SMARCA5: variants seen among roughly 807,000 people sequenced by gnomAD.
The protein encoded by SMARCA5 is SNF2 related chromatin remodeling ATPase 5.
In SMARCA5, 18 loss-of-function variants were observed where a neutral mutation model predicts 140.4. The observed-to-expected ratio is 0.13, with a 90% CI of 0.09 to 0.19. The LOEUF is 0.19. Ranked by LOEUF, SMARCA5 falls within the 10% of genes least tolerant of loss-of-function variation. The pLI is 1.00. For synonymous variants in SMARCA5, 449 were observed against 419.6 expected, an observed-to-expected ratio of 1.07 and a Z score of -0.86; for missense variants, 606 against 1,276.8, an observed-to-expected ratio of 0.47 and a Z score of 8.01.
At chr4:143,531,326 C>T (rs1483217141) in intron 9 of SMARCA5, among the ~76,000 whole-genome samples, 2 of 152,130 alleles carry the variant, frequency 1.3e-5, no homozygotes, top group African/African-American at 4.8e-5. Context: ...CTTCCTGTGA[C>T]GGTTCACAAG....
rs1737507692 is a variant in SMARCA5 at position 143,545,571 on chromosome 4, T to C, written c.2385T>C (p.Thr795=). ...LEKEILFYRK[T]IGYKVPRNPE... The stretch of plus-strand genomic sequence containing the variant: ...AAGAAATTCTGTTTTACAGAAAAAC[T>C]ATTGGGTACAAGGTAATTGAAATTA... Residue 795 remains threonine, a synonymous_variant, in exon 18 of 24, where the codon ACT becomes ACC. Coordinates refer to ENST00000283131, the MANE Select transcript of SMARCA5 (RefSeq NM_003601.4). 1 of 1,566,854 alleles carries C rather than the reference T, an allele frequency of 6.4e-7. No individual in the cohort carries two copies. Among genetic ancestry groups the C allele is most frequent in the African/African-American group, 1.4e-5 (1 of 73,908 alleles).
intron 9 of SMARCA5, among the ~76,000 whole-genome samples, chr4:143,533,495 A>ATTTTTT (rs1737240252): frequency 1.6e-5 from 2 of 125,716 alleles, no homozygotes; most frequent in African/African-American, 5.8e-5. Context: ...ACCCTTGTCC[A>ATTTTTT]TTCTTTTTTT....
intron 5 of SMARCA5, 102 bp downstream of exon 5, chr4:143,525,653 C>A: frequency 1.3e-6 from 1 of 752,796 alleles, no homozygotes; most frequent in Non-Finnish European, 2.3e-6. Flanking sequence ...CAAATGGATC[C>A]TCTCAGAAAC....
At chr4:143,545,807 A>C in intron 18 of SMARCA5, 118 bp from the exon 19 acceptor site, 1 of 961,326 alleles carries the variant, frequency 1.0e-6, no homozygotes, top group Non-Finnish European at 1.6e-6. Flanking sequence ...TAATACATGC[A>C]ATGTATCAGT....
intron 19 of SMARCA5, 109 bp downstream of exon 19, chr4:143,546,156 A>G (rs2149824581): frequency 1.3e-6 from 1 of 756,462 alleles, no homozygotes; most frequent in Non-Finnish European, 2.0e-6. Context: ...TAAAGATGGA[A>G]TAATTGGAGA....
At position 143,514,145 on chromosome 4, in the gene SMARCA5, A is replaced by T. The variant is rs374293803; in HGVS notation, c.177+44A>T. On this transcript the variant is annotated intron_variant, in intron 1 of 23. Transcript: ENST00000283131. ...ATGGGGAGCGGGTGCAGCGGGGAGG[A>T]GGAGCTGGCTCCCTCGCCGGATCGT... 7.8e-4 allele frequency: 1,138 copies of T among 1,467,546 alleles called. 9 individuals carry two copies. The highest frequency in any genetic ancestry group is 3.0e-3 in the African/African-American group (208 of 69,990). 90.9% of individuals were successfully genotyped at this position (1,467,546 alleles called of 1,614,324 possible).
intron 6 of SMARCA5, 82 bp downstream of exon 6, chr4:143,526,542 G>T: frequency 1.2e-6 from 1 of 851,930 alleles, no homozygotes; most frequent in East Asian, 2.5e-5. Context: ...CTGGAAGAAG[G>T]ATAAATGAGA....
intron 15 of SMARCA5, 89 bp downstream of exon 15, chr4:143,543,746 A>G: frequency 6.6e-7 from 1 of 1,506,410 alleles, no homozygotes; most frequent in Middle Eastern, 1.9e-4. Flanking sequence ...AAATAATTTT[A>G]TTTCCTTAAA....
rs1408732276 is a variant in SMARCA5, at chr4:143,554,732, A to G, written c.*1548A>G. On this transcript the variant is annotated 3_prime_UTR_variant, in exon 24 of 24. Transcript: ENST00000283131. ...TGCATGAGGAATGGTTACTTATGAA[A>G]GGAAAAAGAATTTGTAAGAGTTATC... 6.0e-6 allele frequency: 1 copy of G among 167,194 alleles called. No individual in the cohort carries two copies. Among genetic ancestry groups the G allele is most frequent in the East Asian group, 1.8e-4 (1 of 5,578 alleles). The allele number at this position is 167,194 out of a possible 1,614,324, so 10.4% of individuals were successfully genotyped here.
chr4:143,518,695 A>G (rs1172204366), intron 2 of SMARCA5, among the ~76,000 whole-genome samples: 3 of 152,148 alleles, frequency 2.0e-5, no homozygotes, highest in African/African-American at 4.8e-5. Flanking sequence ...TAAATGATAT[A>G]TCTTTAGGTT....
chr4:143,518,624 T>C (rs1195289583), intron 2 of SMARCA5, among the ~76,000 whole-genome samples: 2 of 152,128 alleles, frequency 1.3e-5, no homozygotes, highest in Non-Finnish European at 1.5e-5. Context: ...ATCTTAAAAT[T>C]ATGGTATGTA....
At position 143,544,733 on chromosome 4, in the gene SMARCA5, C is replaced by A. The variant is rs763875313; in HGVS notation, c.2173-4C>A. 41 of 1,549,350 alleles carry A rather than the reference C, an allele frequency of 2.6e-5. 1 individual carries two copies. The highest frequency in any genetic ancestry group is 1.7e-4 in the Middle Eastern group (1 of 5,962). On this transcript the variant is annotated splice_region_variant and splice_polypyrimidine_tract_variant and intron_variant, in intron 16 of 23. Coordinates refer to ENST00000283131, the MANE Select transcript of SMARCA5 (RefSeq NM_003601.4). ...GGTGATTTGAGTTGTTTCCCATGTG[C>A]TAGATTGCATTCACAGAGTGGATTG...
Position 143,554,329 on chromosome 4 carries a change from TA to T in SMARCA5, c.*1148del, listed in dbSNP as rs1362066294. On this transcript the variant is annotated 3_prime_UTR_variant, in exon 24 of 24. Transcript: ENST00000283131. Reference sequence around the variant, plus strand: ...TCTCCATTTTTCTAAGGGAATGCAATAAATGTAGCATCGTGAATAAATATAA... The same window carrying T: ...TCTCCATTTTTCTAAGGGAATGCAATAATGTAGCATCGTGAATAAATATAA... The T allele has an allele frequency of 6.6e-6, 1 of 152,200 alleles. No homozygotes were observed. The highest frequency in any genetic ancestry group is 1.5e-5 in the Non-Finnish European group (1 of 68,030). 9.4% of individuals were successfully genotyped at this position (152,200 alleles called of 1,614,324 possible). A position where few individuals can be genotyped will look rare whatever the true frequency, so the allele number is the denominator to read the frequency against.
chr4:143,543,621 A>G lies in SMARCA5; in HGVS notation c.2016A>G (p.Glu672=). The change falls in exon 15 of 24, where the codon GAA becomes GAG. Residue 672 remains glutamate, a synonymous_variant. Coordinates refer to ENST00000283131, the MANE Select transcript of SMARCA5 (RefSeq NM_003601.4). ...FASKESEITD[E]DIDGILERGA... is the part of the protein sequence containing the mutation. ...CAAAGGAAAGTGAGATCACTGATGA[A>G]GATATCGATGGTATTTTGGAAAGAG... The G allele has an allele frequency of 6.2e-7, 1 of 1,613,122 alleles. No homozygotes were observed. Among genetic ancestry groups the G allele is most frequent in the Non-Finnish European group, 8.5e-7 (1 of 1,179,304 alleles).
rs143223144 is a variant in SMARCA5, at chr4:143,517,420, A to G, written c.243A>G (p.Glu81=). 23 of 1,607,304 alleles carry G rather than the reference A, an allele frequency of 1.4e-5. No individual in the cohort carries two copies. The African/African-American group carries it at 2.9e-4, about 21-fold the overall frequency. The change falls in exon 2 of 24, where the codon GAA becomes GAG. Residue 81 remains glutamate, a synonymous_variant. Coordinates refer to ENST00000283131, the MANE Select transcript of SMARCA5 (RefSeq NM_003601.4). The part of the protein sequence containing the change: ...KEIQEPDPTY[E]EKMQTDRANR... ...TCCAAGAACCAGATCCTACCTATGAAGAAAAAATGGTATGTTCTAGGCTTG... is the reference window on the plus strand; with the variant it reads ...TCCAAGAACCAGATCCTACCTATGAGGAAAAAATGGTATGTTCTAGGCTTG...
chr4:143,549,236 T>C (rs923672864), intron 22 of SMARCA5, among the ~76,000 whole-genome samples: 3 of 152,048 alleles, frequency 2.0e-5, no homozygotes, highest in South Asian at 2.1e-4. Flanking sequence ...TCTATCTCTA[T>C]ATACTATTTC....
rs1737689368 is a variant in SMARCA5, at chr4:143,553,652, A to G, written c.*468A>G. 6.5e-6 allele frequency: 1 copy of G among 153,224 alleles called. No homozygotes were observed. The highest frequency in any genetic ancestry group is 2.0e-4 in the South Asian group (1 of 4,900). The allele number at this position is 153,224 out of a possible 1,614,324, so 9.5% of individuals were successfully genotyped here. On this transcript the variant is annotated 3_prime_UTR_variant, in exon 24 of 24. Coordinates refer to ENST00000283131, the MANE Select transcript of SMARCA5 (RefSeq NM_003601.4). Reference sequence around the variant, plus strand: ...GTGCTATTGAGTCTCATCTGGAAAGATTATATAAATTGCATTCTCCTTGCT... The same window carrying G: ...GTGCTATTGAGTCTCATCTGGAAAGGTTATATAAATTGCATTCTCCTTGCT...
intron 10 of SMARCA5, 51 bp downstream of exon 10, chr4:143,535,015 T>G (rs761341427): frequency 3.2e-6 from 4 of 1,257,064 alleles, no homozygotes; most frequent in Non-Finnish European, 4.5e-6. Flanking sequence ...TCCCTAAATT[T>G]CATGTGTATT....
chr4:143,518,913 A>G (rs1455499929), intron 2 of SMARCA5, among the ~76,000 whole-genome samples: 2 of 152,108 alleles, frequency 1.3e-5, no homozygotes, highest in African/African-American at 4.8e-5. Flanking sequence ...TCTGAGGCTT[A>G]GTTTTAGTTT....
Sources: allele counts gnomAD v4.1 joint callset (sites outside exome capture counted in the v4.1 genomes callset), GRCh38; gene constraint gnomAD v4.1.1; transcripts MANE v1.5; gene names NCBI Gene and HGNC (gene_info 2026-07-23, HGNC 2026-07-21).